The following TNKS variants were observed in gnomAD, a reference collection of about 807,000 sequenced individuals.
TNKS encodes the protein tankyrase, also known as poly [ADP-ribose] polymerase tankyrase-1.
A neutral mutation model predicts 135.8 loss-of-function variants in TNKS; 72 were observed. The ratio of observed to expected loss-of-function variants is 0.53; its 90% CI spans 0.44 to 0.64. The LOEUF is 0.64. Among genes scored for constraint, TNKS ranks in the 30% least tolerant of loss-of-function variants. The pLI, the probability that TNKS is intolerant of heterozygous loss-of-function variation, is 0.00. For synonymous variants in TNKS, 849 were observed against 649.3 expected (o/e 1.31, Z -4.68); for missense variants, 1,769 against 1,674.0 (o/e 1.06, Z -0.99).
chr8:9,748,319 A>T (rs1164629075), intron 18 of TNKS, 107 bp downstream of exon 18: 1 of 1,029,144 alleles, frequency 9.7e-7, no homozygotes, highest in East Asian at 3.2e-5. Context: ...TTCACTTAGA[A>T]CAGAGATCTT....
chr8:9,768,675 G>C (rs1426491311), intron 25 of TNKS, among the ~76,000 whole-genome samples: 1 of 152,240 alleles, frequency 6.6e-6, no homozygotes, highest in Non-Finnish European at 1.5e-5. Context: ...ACCAGGGCCT[G>C]TCAAGTTCAC....
chr8:9,577,730 T>G (rs1798007100), intron 1 of TNKS, among the ~76,000 whole-genome samples: 1 of 152,170 alleles, frequency 6.6e-6, no homozygotes, highest in South Asian at 2.1e-4. Flanking sequence ...CAAACCAAAT[T>G]TTTTGGTCCC....
chr8:9,755,396 T>C (rs918962261), intron 20 of TNKS, among the ~76,000 whole-genome samples: 3 of 152,230 alleles, frequency 2.0e-5, no homozygotes, highest in Non-Finnish European at 4.4e-5. Context: ...GATCAATACA[T>C]AGACGATTGC....
intron 5 of TNKS, among the ~76,000 whole-genome samples, chr8:9,688,509 GC>G (rs1321394642): frequency 6.6e-6 from 1 of 152,174 alleles, no homozygotes; most frequent in African/African-American, 2.4e-5. Flanking sequence ...AGCTAGGATT[GC>G]CATACCATTG....
intron 11 of TNKS, among the ~76,000 whole-genome samples, chr8:9,710,756 C>T (rs1036933983): frequency 5.3e-5 from 8 of 152,006 alleles, no homozygotes; most frequent in Non-Finnish European, 7.4e-5. Flanking sequence ...ATTAGCCGGG[C>T]GTGGTGGCGG....
intron 12 of TNKS, among the ~76,000 whole-genome samples, chr8:9,724,271 G>A (rs914219439): frequency 2.2e-4 from 34 of 152,108 alleles, no homozygotes; most frequent in East Asian, 3.9e-4. Flanking sequence ...GCAACATGGC[G>A]AAACCCCGTC....
intron 1 of TNKS, among the ~76,000 whole-genome samples, chr8:9,564,666 TC>T (rs1797457226): frequency 6.6e-6 from 1 of 152,248 alleles, no homozygotes; most frequent in Admixed American, 6.5e-5. Flanking sequence ...CATGTCATTG[TC>T]CTTGAAGCTA....
At chr8:9,744,685 G>A (rs553829212) in intron 17 of TNKS, among the ~76,000 whole-genome samples, 1 of 152,262 alleles carries the variant, frequency 6.6e-6, no homozygotes, top group African/African-American at 2.4e-5. Context: ...GAACTGAACT[G>A]CTATTTATTG....
chr8:9,619,788 C>CTTTT (rs371608502), intron 3 of TNKS, among the ~76,000 whole-genome samples: 1 of 130,826 alleles, frequency 7.6e-6, no homozygotes, highest in Non-Finnish European at 1.6e-5. Flanking sequence ...AAATCCTTTG[C>CTTTT]TTTTTTTTTT....
chr8:9,690,194 A>G (rs1803198499), intron 5 of TNKS, among the ~76,000 whole-genome samples: 1 of 152,194 alleles, frequency 6.6e-6, no homozygotes. Flanking sequence ...CATGCTAGAA[A>G]CTCATTTTCA....
chr8:9,740,858 G>A (rs1585401350), intron 17 of TNKS: 1 of 120,200 alleles, frequency 8.3e-6, no homozygotes, highest in Non-Finnish European at 1.7e-5. Flanking sequence ...AGAACAGGTC[G>A]GACTGCAGTG....
Position 9,751,588 on chromosome 8 carries a change from TG to T in TNKS, c.2833-20del. ...TAATATATAGTATTTTCATGGTTTT[TG>T]TTTTTAATCATTTTTTTAGGCTGAC... is the stretch of plus-strand genomic sequence containing the variant. On this transcript the variant is annotated intron_variant, in intron 18 of 26. Transcript: ENST00000310430. 1 of 1,598,676 alleles carries T rather than the reference TG, an allele frequency of 6.3e-7. No homozygotes were observed. The highest frequency in any genetic ancestry group is 1.1e-5 in the South Asian group (1 of 89,452).
At chr8:9,571,887 T>C (rs1797772045) in intron 1 of TNKS, among the ~76,000 whole-genome samples, 8 of 152,226 alleles carry the variant, frequency 5.3e-5, no homozygotes. Context: ...TTACTCTCTT[T>C]GGAACATTTA....
intron 3 of TNKS, among the ~76,000 whole-genome samples, chr8:9,663,509 A>G (rs1563152103): frequency 6.6e-6 from 1 of 152,204 alleles, no homozygotes. Context: ...TAGGTGTCCT[A>G]TAATTTGATT....
At chr8:9,602,357 A>T (rs1337165862) in intron 2 of TNKS, among the ~76,000 whole-genome samples, 5 of 152,202 alleles carry the variant, frequency 3.3e-5, no homozygotes, top group Non-Finnish European at 7.3e-5. Flanking sequence ...GACTGCACTG[A>T]GAGTTGTGGA....
intron 14 of TNKS, among the ~76,000 whole-genome samples, chr8:9,731,703 A>T (rs1805450641): frequency 6.6e-6 from 1 of 152,170 alleles, no homozygotes; most frequent in Non-Finnish European, 1.5e-5. Context: ...TCAGTAGTGT[A>T]TCTTGAATAG....
In TNKS at chr8:9,654,146, C is replaced by T. The variant is rs917206024; in HGVS notation, c.995-25805C>T. Among the ~76,000 whole-genome samples the T allele has an allele frequency of 6.6e-5, 10 of 152,238 alleles. No individual in the cohort carries two copies. The South Asian group carries it at 2.1e-3, about 32-fold the overall frequency. On this transcript the variant is annotated intron_variant, in intron 3 of 26. Coordinates refer to ENST00000310430, the MANE Select transcript of TNKS (RefSeq NM_003747.3). The stretch of plus-strand genomic sequence containing the variant: ...CTGCAGATAGAGTGTGATGATTAGC[C>T]AGAAGTGGAGCAAGGTGCTGTGATT...
intron 17 of TNKS, among the ~76,000 whole-genome samples, chr8:9,740,082 A>T (rs1001728573): frequency 3.6e-5 from 4 of 110,410 alleles, no homozygotes; most frequent in African/African-American, 1.3e-4. Flanking sequence ...AAAAAAAAAG[A>T]AAGTCCAGAG....
chr8:9,670,063 A>G (rs1020638331), intron 3 of TNKS: 1 of 152,186 alleles, frequency 6.6e-6, no homozygotes, highest in African/African-American at 2.4e-5. Flanking sequence ...ACTATGGGCT[A>G]TTGTGATGTC....
Sources: gnomAD v4.1 joint callset for allele counts (sites outside exome capture counted in the v4.1 genomes callset) on GRCh38, gnomAD v4.1.1 for gene constraint, MANE v1.5 for transcripts, NCBI Gene and HGNC (gene_info 2026-07-23, HGNC 2026-07-21) for gene names.